COX6C: variants seen among roughly 807,000 people sequenced by gnomAD.
COX6C encodes cytochrome c oxidase subunit 6C, also known as cytochrome c oxidase polypeptide VIc.
COX6C carries 3 observed loss-of-function variants against 6.9 expected under a neutral mutation model. The observed-to-expected ratio is 0.43, with a 90% CI of 0.20 to 1.12. COX6C has a LOEUF of 1.12. Ranked by LOEUF, COX6C falls within the 50% of genes most tolerant of loss-of-function variation. The pLI, the probability that COX6C is intolerant of heterozygous loss-of-function variation, is 0.27. For synonymous variants in COX6C, 32 were observed against 32.0 expected (o/e 1.00, Z 0.00); for missense variants, 101 against 97.3 (o/e 1.04, Z -0.16).
chr8:99,888,858 G>A (rs937892814), intron 2 of COX6C, among the ~76,000 whole-genome samples: 5 of 152,322 alleles, frequency 3.3e-5, no homozygotes, highest in African/African-American at 9.6e-5. Context: ...GGAACAGGGT[G>A]GAACCAGGAG....
At chr8:99,889,910 T>C (rs1588829918) in intron 2 of COX6C, among the ~76,000 whole-genome samples, 1 of 151,332 alleles carries the variant, frequency 6.6e-6, no homozygotes. Flanking sequence ...GCTAACACGG[T>C]GAAACCCCGT....
At chr8:99,893,252 C>T (rs544642623) in intron 1 of COX6C, 8 of 152,462 alleles carry the variant, frequency 5.2e-5, no homozygotes, top group Admixed American at 5.2e-4. Context: ...CGACCAGCTG[C>T]ATTAGAAACC....
Position 99,891,941 on chromosome 8 carries a change from G to A in COX6C, c.81C>T (p.Phe27=), listed in dbSNP as rs1015227375. ...AAGCTGCAACCCCCAGGGATAGCAC[G>A]AATGCTACAGCCATATGATTTCGCA... ...RRLRNHMAVA[F]VLSLGVAALY... Residue 27 remains phenylalanine (F), a synonymous_variant, in exon 2 of 4, where the codon TTC becomes TTT. Transcript: ENST00000520468. 10 of 1,613,982 alleles carry A rather than the reference G, an allele frequency of 6.2e-6. No homozygotes were observed. The highest frequency in any genetic ancestry group is 8.5e-6 in the Non-Finnish European group (10 of 1,180,024).
chr8:99,888,842 A>G (rs1048925434), intron 2 of COX6C, among the ~76,000 whole-genome samples: 1 of 152,324 alleles, frequency 6.6e-6, no homozygotes, highest in Non-Finnish European at 1.5e-5. Context: ...CCACAGGCAC[A>G]CTGGGGGAAC....
At chr8:99,892,075 ATTAAGTACAGAGT>A (rs1818062906) in intron 1 of COX6C, 23 bp from the exon 2 acceptor site, 1 of 1,384,472 alleles carries the variant, frequency 7.2e-7, no homozygotes, top group African/African-American at 1.4e-5. Flanking sequence ...AGAAAATATG[ATTAAGTACAGAGT>A]TTATTTAAGC....
At chr8:99,886,198 C>G (rs1817940490) in intron 3 of COX6C, 1 of 152,170 alleles carries the variant, frequency 6.6e-6, no homozygotes, top group Non-Finnish European at 1.5e-5. Context: ...AAGCACAGCC[C>G]AGGTAATATG....
At chr8:99,881,104 T>C (rs1023149784) in intron 3 of COX6C, among the ~76,000 whole-genome samples, 1 of 152,126 alleles carries the variant, frequency 6.6e-6, no homozygotes, top group African/African-American at 2.4e-5. Context: ...TCATGCCTGT[T>C]ATCCCAGGAC....
intron 3 of COX6C, among the ~76,000 whole-genome samples, chr8:99,885,141 G>A (rs1817926728): frequency 6.6e-6 from 1 of 152,198 alleles, no homozygotes; most frequent in Non-Finnish European, 1.5e-5. Flanking sequence ...CTTATTTGTG[G>A]TTTAACCTTC....
chr8:99,890,968 C>T (rs1818024201), intron 2 of COX6C, among the ~76,000 whole-genome samples: 1 of 152,198 alleles, frequency 6.6e-6, no homozygotes, highest in African/African-American at 2.4e-5. Flanking sequence ...ATTGACATAG[C>T]ATTTACATTG....
rs1427754197 is a variant in COX6C, at chr8:99,888,443, C to T, written c.115-825G>A. ...AAAATTAGCCAGGCATGGTGGTGGGCACCTGTAATCCCAGCTACTTGGGAG... is the reference window on the plus strand; with the variant it reads ...AAAATTAGCCAGGCATGGTGGTGGGTACCTGTAATCCCAGCTACTTGGGAG... On this transcript the variant is annotated intron_variant, in intron 2 of 3. Transcript: ENST00000520468. 2.2e-4 allele frequency among the ~76,000 whole-genome samples: 34 copies of T among 152,118 alleles called. 1 individual carries two copies. Among genetic ancestry groups the T allele is most frequent in the Admixed American group, 2.2e-3 (34 of 15,284 alleles).
intron 2 of COX6C, among the ~76,000 whole-genome samples, chr8:99,891,408 ATTAGCCAG>A (rs1207848877): frequency 6.6e-6 from 1 of 152,166 alleles, no homozygotes; most frequent in African/African-American, 2.4e-5. Context: ...AAATATAAAA[ATTAGCCAG>A]TTCCGGTGGT....
chr8:99,887,213 A>G (rs928503437), intron 3 of COX6C: 6 of 226,574 alleles, frequency 2.6e-5, no homozygotes, highest in Non-Finnish European at 5.1e-5. Flanking sequence ...ACAACACTAC[A>G]GAGTACAGCA....
intron 3 of COX6C, among the ~76,000 whole-genome samples, chr8:99,882,619 C>A (rs1194666869): frequency 6.6e-6 from 1 of 152,108 alleles, no homozygotes; most frequent in African/African-American, 2.4e-5. Context: ...ACAGTTAGTT[C>A]TTTGAAAAGA....
intron 2 of COX6C, among the ~76,000 whole-genome samples, chr8:99,887,949 T>C: frequency 6.6e-6 from 1 of 151,562 alleles, no homozygotes; most frequent in East Asian, 1.9e-4. Context: ...TTATTTTTTT[T>C]AAAGATGGGG....
At chr8:99,891,751 T>G (rs1201088088) in intron 2 of COX6C, among the ~76,000 whole-genome samples, 157 bp downstream of exon 2, 1 of 152,188 alleles carries the variant, frequency 6.6e-6, no homozygotes, top group African/African-American at 2.4e-5. Flanking sequence ...ACAAGCTTCA[T>G]TTAAAGATGG....
chr8:99,883,718 C>A (rs555910950), intron 3 of COX6C, among the ~76,000 whole-genome samples: 2 of 151,982 alleles, frequency 1.3e-5, no homozygotes, highest in South Asian at 2.1e-4. Context: ...GACAAACACA[C>A]GAGAAAACTA....
At chr8:99,893,503 A>T (rs918735544) in intron 1 of COX6C, 136 bp downstream of exon 1, 3 of 152,276 alleles carry the variant, frequency 2.0e-5, no homozygotes, top group African/African-American at 7.2e-5. Context: ...GAGAGAGTAG[A>T]TGCGGGAGAG....
chr8:99,886,585 A>C (rs1203612055), intron 3 of COX6C, among the ~76,000 whole-genome samples: 2 of 152,088 alleles, frequency 1.3e-5, no homozygotes, highest in African/African-American at 4.8e-5. Context: ...CATCACTCAC[A>C]ACAATCAAAA....
chr8:99,886,944 C>T (rs191920547), intron 3 of COX6C: 1 of 152,210 alleles, frequency 6.6e-6, no homozygotes, highest in African/African-American at 2.4e-5. Context: ...CTTAACACTA[C>T]TAAACTGTAC....
Sources: allele counts gnomAD v4.1 joint callset (sites outside exome capture counted in the v4.1 genomes callset), GRCh38; gene constraint gnomAD v4.1.1; transcripts MANE v1.5; gene names NCBI Gene and HGNC (gene_info 2026-07-23, HGNC 2026-07-21).